ZSWIM5: variants seen among roughly 807,000 people sequenced by gnomAD.
ZSWIM5 encodes the protein zinc finger SWIM domain-containing protein 5.
Under a neutral mutation model 119.6 loss-of-function variants are expected in ZSWIM5, and 55 were observed. The ratio of observed to expected loss-of-function variants is 0.46; its 90% confidence interval spans 0.37 to 0.58. ZSWIM5 has a LOEUF of 0.58. Ranked by LOEUF, ZSWIM5 falls within the 20% of genes least tolerant of loss-of-function variation. ZSWIM5 has a pLI of 0.00. For missense variants in ZSWIM5, 1,193 were observed against 1,512.8 expected, an observed-to-expected ratio of 0.79 and a Z score of 3.51; for synonymous variants, 537 against 606.9, an observed-to-expected ratio of 0.88 and a Z score of 1.69.
At chr1:45,194,876 C>CA (rs373754738) in intron 1 of ZSWIM5, among the ~76,000 whole-genome samples, 1,724 of 118,932 alleles carry the variant, frequency 0.014, 17 homozygotes, top group African/African-American at 0.031. Context: ...GACTCCGTCT[C>CA]AAAAAAAAAA....
At chr1:45,070,613 A>C (rs1174910372) in intron 2 of ZSWIM5, among the ~76,000 whole-genome samples, 1 of 151,918 alleles carries the variant, frequency 6.6e-6, no homozygotes, top group African/African-American at 2.4e-5. Flanking sequence ...GATACTAATA[A>C]TTTTTCAAAG....
chr1:45,028,859 G>T (rs1294495407), intron 11 of ZSWIM5, among the ~76,000 whole-genome samples: 1 of 152,170 alleles, frequency 6.6e-6, no homozygotes, highest in East Asian at 1.9e-4. Context: ...AAGGTGGGAG[G>T]ATTACTTGAG....
chr1:45,183,570 A>G (rs1646036547), intron 1 of ZSWIM5, among the ~76,000 whole-genome samples: 2 of 152,252 alleles, frequency 1.3e-5, no homozygotes, highest in Non-Finnish European at 2.9e-5. Context: ...AGGGGATATC[A>G]TCACCGATCC....
chr1:45,096,493 G>T (rs1035673462), intron 1 of ZSWIM5, among the ~76,000 whole-genome samples: 1 of 128,128 alleles, frequency 7.8e-6, no homozygotes, highest in Admixed American at 8.1e-5. Context: ...TGTTTTTAAA[G>T]AAAATGGACA....
rs927341231 is a variant in ZSWIM5, at chr1:45,072,556, T to C, written c.953-12309A>G. ...CTTGTAGTAGTTTCATAGTTTCAGGTCTTAGATTTAAGTCTTTAATCCATT... is the reference window on the plus strand; with the variant it reads ...CTTGTAGTAGTTTCATAGTTTCAGGCCTTAGATTTAAGTCTTTAATCCATT... On this transcript the variant is annotated intron_variant, in intron 2 of 13. Coordinates refer to ENST00000359600, the MANE Select transcript of ZSWIM5 (RefSeq NM_020883.2). The surrounding 1 kb of genome is among the most constrained non-coding windows in gnomAD (Gnocchi z 4.1). Among the ~76,000 whole-genome samples, 1 of 152,008 alleles carries C rather than the reference T, an allele frequency of 6.6e-6. No homozygotes were observed. The highest frequency in any genetic ancestry group is 2.4e-5 in the African/African-American group (1 of 41,254).
At chr1:45,176,657 A>G (rs1322765328) in intron 1 of ZSWIM5, among the ~76,000 whole-genome samples, 1 of 151,892 alleles carries the variant, frequency 6.6e-6, no homozygotes, top group Non-Finnish European at 1.5e-5. Flanking sequence ...TCTATAAATA[A>G]CCAATCTTTC....
intron 5 of ZSWIM5, among the ~76,000 whole-genome samples, chr1:45,047,066 CCTGGGCACTATGG>C (rs1645060501): frequency 6.6e-6 from 1 of 150,664 alleles, no homozygotes; most frequent in Non-Finnish European, 1.5e-5. Flanking sequence ...ATGACAGATC[CCTGGGCACTATGG>C]CATTTTAGAT....
chr1:45,186,101 G>A (rs557844390), intron 1 of ZSWIM5, among the ~76,000 whole-genome samples: 1 of 151,260 alleles, frequency 6.6e-6, no homozygotes, highest in African/African-American at 2.4e-5. Flanking sequence ...GTCCTTTGTA[G>A]GGACATGGAT....
intron 11 of ZSWIM5, among the ~76,000 whole-genome samples, chr1:45,030,779 A>G (rs1308302108): frequency 1.5e-5 from 2 of 136,578 alleles, no homozygotes; most frequent in African/African-American, 5.4e-5. Context: ...TTTAAATTTG[A>G]TTTATGTTTT....
chr1:45,060,021 G>C, intron 3 of ZSWIM5, 78 bp downstream of exon 3: 1 of 1,532,230 alleles, frequency 6.5e-7, no homozygotes, highest in Non-Finnish European at 8.9e-7. Context: ...AATGCATGAA[G>C]CCTGAAGTGT....
At chr1:45,128,976 T>C (rs907607290) in intron 1 of ZSWIM5, among the ~76,000 whole-genome samples, 1 of 152,126 alleles carries the variant, frequency 6.6e-6, no homozygotes, top group Non-Finnish European at 1.5e-5. Flanking sequence ...ACAGCTCTTT[T>C]TAGCACCAAA....
intron 1 of ZSWIM5, among the ~76,000 whole-genome samples, chr1:45,089,588 GA>G (rs1645351835): frequency 6.6e-6 from 1 of 152,138 alleles, no homozygotes; most frequent in Non-Finnish European, 1.5e-5. Context: ...CTGAGATTTG[GA>G]ACCAGGAGGT....
chr1:45,065,103 T>C (rs1176990903), intron 2 of ZSWIM5, among the ~76,000 whole-genome samples: 6 of 152,214 alleles, frequency 3.9e-5, no homozygotes, highest in Non-Finnish European at 7.3e-5. Flanking sequence ...AAATAATTAC[T>C]TGGGGTTTCT....
At chr1:45,133,920 T>C (rs1336894290) in intron 1 of ZSWIM5, among the ~76,000 whole-genome samples, 1 of 152,094 alleles carries the variant, frequency 6.6e-6, no homozygotes, top group Non-Finnish European at 1.5e-5. Context: ...CAGATGGTTG[T>C]AGATGTGTGG....
intron 1 of ZSWIM5, among the ~76,000 whole-genome samples, chr1:45,158,462 C>T (rs1053807653): frequency 1.3e-5 from 2 of 152,294 alleles, no homozygotes; most frequent in East Asian, 3.9e-4. Flanking sequence ...AGCCATCGTG[C>T]CTGGTCTGAA....
At chr1:45,177,628 A>C (rs186125649) in intron 1 of ZSWIM5, among the ~76,000 whole-genome samples, 2 of 152,196 alleles carry the variant, frequency 1.3e-5, no homozygotes, top group Admixed American at 1.3e-4. Flanking sequence ...GAGATTGAGC[A>C]ATCAGTTGCT....
At position 45,017,615 on chromosome 1, in the gene ZSWIM5, T is replaced by G. The variant is rs1644862909; in HGVS notation, c.*839A>C. 6.6e-6 allele frequency: 1 copy of G among 152,234 alleles called. No homozygotes were observed. The highest frequency in any genetic ancestry group is 6.5e-5 in the Admixed American group (1 of 15,286). The allele number at this position is 152,234 out of a possible 1,614,324, so 9.4% of individuals were successfully genotyped here. On this transcript the variant is annotated 3_prime_UTR_variant, in exon 14 of 14. Transcript: ENST00000359600. ...ACAATTATAGATGAAACCACACACT[T>G]GCTAACACAAAGGTGACCACAGTAG...
intron 11 of ZSWIM5, among the ~76,000 whole-genome samples, chr1:45,025,362 C>T (rs1407233412): frequency 6.6e-6 from 1 of 152,100 alleles, no homozygotes; most frequent in East Asian, 1.9e-4. Context: ...AAATAAATTG[C>T]TGGGATTTTG....
intron 1 of ZSWIM5, among the ~76,000 whole-genome samples, chr1:45,163,657 C>A (rs1009739788): frequency 2.0e-5 from 3 of 152,166 alleles, no homozygotes; most frequent in African/African-American, 7.2e-5. Flanking sequence ...AAAACCATGG[C>A]ACGAGAACTA....
Sources: allele counts gnomAD v4.1 joint callset (sites outside exome capture counted in the v4.1 genomes callset), GRCh38; gene constraint gnomAD v4.1.1; non-coding constraint Gnocchi (gnomAD v3.1); transcripts MANE v1.5; gene names NCBI Gene and HGNC (gene_info 2026-07-23, HGNC 2026-07-21).